TMEM182: variants seen among roughly 807,000 people sequenced by gnomAD.
TMEM182 encodes the protein transmembrane protein 182.
Under a neutral mutation model 26.8 loss-of-function variants are expected in TMEM182, and 20 were observed. That is an observed-to-expected ratio of 0.75 (90% CI 0.53 to 1.09). TMEM182 has a LOEUF of 1.09. Ranked by LOEUF, TMEM182 falls within the 50% of genes least tolerant of loss-of-function variation. TMEM182 has a pLI of 0.00. For synonymous variants in TMEM182, 109 were observed against 102.2 expected, an observed-to-expected ratio of 1.07 and a Z score of -0.40; for missense variants, 277 against 275.5, an observed-to-expected ratio of 1.01 and a Z score of -0.04.
upstream of TMEM182, among the ~76,000 whole-genome samples, chr2:102,761,387 C>G (rs565880981): frequency 2.6e-5 from 4 of 152,252 alleles, no homozygotes; most frequent in South Asian, 8.3e-4. Flanking sequence ...TTTCATCAGT[C>G]CACTTTGGGG....
intron 3 of TMEM182, among the ~76,000 whole-genome samples, chr2:102,842,204 C>A (rs1204563808): frequency 3.9e-5 from 6 of 152,124 alleles, no homozygotes; most frequent in African/African-American, 1.4e-4. Context: ...GCTCAGATGT[C>A]CTGCTAGAAC....
chr2:102,747,660 A>G lies in TMEM182; in HGVS notation c.-83+10647A>G, dbSNP rs1679743266. 2.6e-5 allele frequency among the ~76,000 whole-genome samples: 4 copies of G among 152,058 alleles called. No individual in the cohort carries two copies. In the South Asian group the frequency reaches 8.3e-4, roughly 31 times the overall value. On this transcript the variant is annotated intron_variant, in intron 1 of 5. Transcript: ENST00000409173. ...AGCCTATGGGAAAATAAAAAAAACA[A>G]CAACAGGATCTTTAAAGGAAAAAAA... is the stretch of plus-strand genomic sequence containing the variant.
At chr2:102,778,925 T>G (rs190549549) in intron 3 of TMEM182, among the ~76,000 whole-genome samples, 1 of 152,272 alleles carries the variant, frequency 6.6e-6, no homozygotes, top group African/African-American at 2.4e-5. Flanking sequence ...ATATTTTTAC[T>G]CTTTCCATTG....
At chr2:102,766,841 G>A (rs577790814) in intron 3 of TMEM182, among the ~76,000 whole-genome samples, 1 of 152,292 alleles carries the variant, frequency 6.6e-6, no homozygotes, top group African/African-American at 2.4e-5. Flanking sequence ...AGTGTCCTGA[G>A]TTTTTACAAT....
chr2:102,793,882 T>C (rs1681751415), intron 3 of TMEM182, among the ~76,000 whole-genome samples: 1 of 152,130 alleles, frequency 6.6e-6, no homozygotes, highest in African/African-American at 2.4e-5. Context: ...CCCCCTGCTG[T>C]GCAGTGATAA....
intron 3 of TMEM182, among the ~76,000 whole-genome samples, chr2:102,839,483 C>A (rs1216847120): frequency 1.5e-5 from 2 of 129,400 alleles, no homozygotes; most frequent in South Asian, 2.5e-4. Flanking sequence ...TATATACACA[C>A]AAAAATAATT....
chr2:102,796,290 A>G (rs1236361179), intron 3 of TMEM182, among the ~76,000 whole-genome samples: 5 of 152,148 alleles, frequency 3.3e-5, no homozygotes, highest in African/African-American at 7.2e-5. Flanking sequence ...TCCACTTGCT[A>G]TTATTTACTT....
chr2:102,841,511 C>T (rs1460977990), intron 3 of TMEM182, among the ~76,000 whole-genome samples: 2 of 152,188 alleles, frequency 1.3e-5, no homozygotes, highest in African/African-American at 4.8e-5. Context: ...AGTAAAGGTT[C>T]TTGAACCAAA....
At chr2:102,830,250 C>G (rs529048681) in intron 3 of TMEM182, among the ~76,000 whole-genome samples, 3 of 152,192 alleles carry the variant, frequency 2.0e-5, no homozygotes, top group Admixed American at 2.0e-4. Flanking sequence ...GTTTTGACAA[C>G]CACTTCATAT....
chr2:102,772,088 G>A (rs1680699805), intron 3 of TMEM182, among the ~76,000 whole-genome samples: 1 of 152,196 alleles, frequency 6.6e-6, no homozygotes, highest in South Asian at 2.1e-4. Flanking sequence ...ACACACACAA[G>A]AATAGCTTCC....
intron 3 of TMEM182, among the ~76,000 whole-genome samples, chr2:102,834,052 A>G (rs1683197037): frequency 6.6e-6 from 1 of 152,232 alleles, no homozygotes; most frequent in South Asian, 2.1e-4. Flanking sequence ...TGAGTTCAAT[A>G]AATACATAAG....
At chr2:102,834,524 C>G (rs1263759101) in intron 3 of TMEM182, 2 of 753,236 alleles carry the variant, frequency 2.7e-6, no homozygotes, top group African/African-American at 3.8e-5. Context: ...TATAGGTGAG[C>G]CTTGGGAGGT....
At position 102,753,146 on chromosome 2, in the gene TMEM182, G is replaced by T. The variant is rs141124460; in HGVS notation, c.-82-5243G>T. Among the ~76,000 whole-genome samples the T allele has an allele frequency of 9.1e-3, 1,391 of 152,158 alleles. 22 individuals are homozygous for T. Among genetic ancestry groups the T allele is most frequent in the African/African-American group, 0.031 (1,296 of 41,494 alleles). On this transcript the variant is annotated intron_variant, in intron 1 of 5. Transcript: ENST00000409173. ...TTTTGCTTATGAAATGTTTTACTGT[G>T]TGCTTATTGCATTTGAAGGCAGGAT...
At chr2:102,792,789 T>C (rs972739093) in intron 3 of TMEM182, among the ~76,000 whole-genome samples, 5 of 152,136 alleles carry the variant, frequency 3.3e-5, no homozygotes, top group African/African-American at 1.2e-4. Flanking sequence ...GGCCCTCCCT[T>C]CCTTTAAATA....
chr2:102,802,612 A>G (rs562537462), intron 4 of TMEM182, among the ~76,000 whole-genome samples: 1 of 152,310 alleles, frequency 6.6e-6, no homozygotes, highest in African/African-American at 2.4e-5. Flanking sequence ...GTGGCATTGG[A>G]TGTGATAGGA....
chr2:102,808,701 A>G (rs1192314279), intron 4 of TMEM182, among the ~76,000 whole-genome samples: 1 of 152,236 alleles, frequency 6.6e-6, no homozygotes, highest in African/African-American at 2.4e-5. Flanking sequence ...GTGGATAAAC[A>G]GATAAACAAA....
At chr2:102,756,152 A>G (rs1351794864) in intron 1 of TMEM182, among the ~76,000 whole-genome samples, 1 of 152,214 alleles carries the variant, frequency 6.6e-6, no homozygotes, top group Non-Finnish European at 1.5e-5. Flanking sequence ...CAATGGGAAC[A>G]CCTGGTGAGA....
intron 4 of TMEM182, among the ~76,000 whole-genome samples, chr2:102,811,297 A>G (rs993820353): frequency 6.6e-6 from 1 of 152,130 alleles, no homozygotes; most frequent in African/African-American, 2.4e-5. Context: ...ATGCTGTGTG[A>G]TTCTCACTGC....
chr2:102,810,268 G>A (rs1389141754), intron 4 of TMEM182, among the ~76,000 whole-genome samples: 1 of 151,938 alleles, frequency 6.6e-6, no homozygotes, highest in African/African-American at 2.4e-5. Flanking sequence ...TTTAAATCTG[G>A]TTCTTACGGT....
Sources: gnomAD v4.1 joint callset for allele counts (sites outside exome capture counted in the v4.1 genomes callset) on GRCh38, gnomAD v4.1.1 for gene constraint, MANE v1.5 for transcripts, NCBI Gene and HGNC (gene_info 2026-07-23, HGNC 2026-07-21) for gene names.